ZNF609: variants seen among roughly 807,000 people sequenced by gnomAD.
ZNF609 encodes the protein zinc finger protein 609.
ZNF609 carries 11 observed loss-of-function variants against 109.5 expected under a neutral mutation model. The observed-to-expected ratio is 0.10, with a 90% CI of 0.06 to 0.17. The LOEUF (loss-of-function observed/expected upper bound fraction) is 0.17. ZNF609 is among the 10% of genes least tolerant of loss of function. The pLI, the probability that ZNF609 is intolerant of heterozygous loss-of-function variation, is 1.00. For synonymous variants in ZNF609, 646 were observed against 662.0 expected, an observed-to-expected ratio of 0.98 and a Z score of 0.37; for missense variants, 1,559 against 1,772.4, an observed-to-expected ratio of 0.88 and a Z score of 2.16.
chr15:64,478,700 A>G (rs1012922337), intron 1 of ZNF609, among the ~76,000 whole-genome samples: 4 of 151,978 alleles, frequency 2.6e-5, no homozygotes, highest in African/African-American at 9.7e-5. Flanking sequence ...TTTGTGGTGA[A>G]CTCAGATCCA....
At chr15:64,591,580 G>A (rs901957358) in intron 2 of ZNF609, among the ~76,000 whole-genome samples, 3 of 151,876 alleles carry the variant, frequency 2.0e-5, no homozygotes, top group Admixed American at 1.3e-4. Context: ...TGAAACAGGT[G>A]CAAAGATATT....
chr15:64,675,948 C>T lies in ZNF609; in HGVS notation c.3094C>T (p.Arg1032Trp), dbSNP rs146135824. The T allele has an allele frequency of 8.1e-4, 1,303 of 1,614,092 alleles. 6 individuals carry two copies. The African/African-American group carries it at 0.015, about 19-fold the overall frequency. ...GAAGGCAGAGATGGGCCTGAAGGAG[C>T]GGGAGGCAGCACTCAAGGAAGAGTG... ...DKKAEMGLKE[R>W]EAALKEEWKQ... Residue 1032 changes from arginine (R) to tryptophan (W), a missense_variant, in exon 5 of 10, where the codon CGG (arginine) becomes TGG (tryptophan). Physicochemically the swap from Arg to Trp is moderately radical, Grantham distance 101. This residue lies in a region of ZNF609 where 1,204 missense variants were observed against 1,314.1 expected (regional missense o/e 0.92). Transcript: ENST00000326648.
chr15:64,494,875 C>G (rs1893460936), intron 1 of ZNF609, among the ~76,000 whole-genome samples: 1 of 152,162 alleles, frequency 6.6e-6, no homozygotes, highest in Non-Finnish European at 1.5e-5. Flanking sequence ...GTTCTCCTTT[C>G]CAGACCAAAG....
intron 1 of ZNF609, among the ~76,000 whole-genome samples, chr15:64,482,315 A>G (rs1286729328): frequency 2.6e-5 from 4 of 152,122 alleles, no homozygotes; most frequent in Admixed American, 2.6e-4. Context: ...GTACAGAAAA[A>G]TATCTAGAAG....
At chr15:64,597,621 G>T (rs977503149) in intron 2 of ZNF609, among the ~76,000 whole-genome samples, 1 of 152,244 alleles carries the variant, frequency 6.6e-6, no homozygotes, top group African/African-American at 2.4e-5. Context: ...GGTTGCCACA[G>T]AGAGGGGTTT....
intron 2 of ZNF609, among the ~76,000 whole-genome samples, chr15:64,591,273 C>CA (rs1257096696): frequency 2.0e-5 from 3 of 152,174 alleles, no homozygotes; most frequent in South Asian, 4.2e-4. Context: ...ACTAAAAATA[C>CA]AAAAATTAGC....
At chr15:64,609,633 A>G (rs958822475) in intron 2 of ZNF609, among the ~76,000 whole-genome samples, 1 of 151,456 alleles carries the variant, frequency 6.6e-6, no homozygotes, top group Non-Finnish European at 1.5e-5. Flanking sequence ...TAATATGTTA[A>G]ATATCAAGGG....
intron 3 of ZNF609, chr15:64,654,022 A>G (rs1054748890): frequency 2.0e-5 from 3 of 152,152 alleles, no homozygotes; most frequent in Admixed American, 6.5e-5. Flanking sequence ...GGTATTTTAC[A>G]AGTTCACTAT....
intron 2 of ZNF609, among the ~76,000 whole-genome samples, chr15:64,547,562 G>C (rs574487759): frequency 6.6e-6 from 1 of 152,222 alleles, no homozygotes; most frequent in East Asian, 1.9e-4. Context: ...ATAAAATCTG[G>C]CTCTGGCTCA....
chr15:64,612,736 C>G (rs146093759), intron 2 of ZNF609, among the ~76,000 whole-genome samples: 1 of 150,962 alleles, frequency 6.6e-6, no homozygotes, highest in Non-Finnish European at 1.5e-5. Context: ...AAGGACCTGC[C>G]GGGCGTGGTG....
chr15:64,544,533 C>A (rs1440456392), intron 2 of ZNF609, among the ~76,000 whole-genome samples: 1 of 152,182 alleles, frequency 6.6e-6, no homozygotes, highest in Non-Finnish European at 1.5e-5. Context: ...CAGTGTCAAC[C>A]AGACAAATGA....
At chr15:64,555,028 G>A (rs1046570065) in intron 2 of ZNF609, among the ~76,000 whole-genome samples, 12 of 151,664 alleles carry the variant, frequency 7.9e-5, no homozygotes, top group African/African-American at 1.5e-4. Flanking sequence ...CCTGGGAGGC[G>A]GAGGTTACGG....
chr15:64,602,256 T>C (rs140809693), intron 2 of ZNF609, among the ~76,000 whole-genome samples: 2 of 152,328 alleles, frequency 1.3e-5, no homozygotes, highest in African/African-American at 2.4e-5. Context: ...CTTATGACAG[T>C]GTTCAGTTTT....
At chr15:64,668,552 T>G (rs113248293) in intron 3 of ZNF609, among the ~76,000 whole-genome samples, 17,907 of 152,110 alleles carry the variant, frequency 0.12, 1,574 homozygotes, top group African/African-American at 0.25. Flanking sequence ...GATTGCTTGA[T>G]CTCAGGAGTT....
chr15:64,521,423 C>G (rs1390680657), intron 2 of ZNF609, among the ~76,000 whole-genome samples: 1 of 152,120 alleles, frequency 6.6e-6, no homozygotes. Flanking sequence ...TGGACCTGGT[C>G]TCTGGGGTGT....
intron 2 of ZNF609, among the ~76,000 whole-genome samples, chr15:64,535,112 A>G (rs1294284151): frequency 1.4e-4 from 21 of 152,086 alleles, no homozygotes; most frequent in Admixed American, 1.4e-3. Context: ...GCTTGAGTGC[A>G]GTGATGTGAT....
chr15:64,630,277 G>GGCCAA (rs1595745854), intron 3 of ZNF609, among the ~76,000 whole-genome samples: 1 of 151,408 alleles, frequency 6.6e-6, no homozygotes, highest in African/African-American at 2.4e-5. Flanking sequence ...TCACCATGTT[G>GGCCAA]GCCAGGCTGG....
chr15:64,506,074 G>C (rs1325822565), intron 2 of ZNF609, among the ~76,000 whole-genome samples: 1 of 152,174 alleles, frequency 6.6e-6, no homozygotes, highest in African/African-American at 2.4e-5. Context: ...GAGTGATCTT[G>C]ACCAAGTTTC....
At chr15:64,474,799 G>A (rs72741343) in intron 1 of ZNF609, among the ~76,000 whole-genome samples, 9,325 of 152,038 alleles carry the variant, frequency 0.061, 292 homozygotes, top group South Asian at 0.087. Flanking sequence ...TAAAGCCAGC[G>A]TAGACCTTTA....
Sources: allele counts gnomAD v4.1 joint callset (sites outside exome capture counted in the v4.1 genomes callset), GRCh38; gene constraint gnomAD v4.1.1; regional missense constraint gnomAD v4.1.1; transcripts MANE v1.5; gene names NCBI Gene and HGNC (gene_info 2026-07-23, HGNC 2026-07-21).